Variants in DPH6 observed in about 807,000 individuals in gnomAD.
The protein encoded by DPH6 is diphthine--ammonia ligase.
DPH6 carries 33 observed loss-of-function variants against 38.2 expected under a neutral mutation model. The observed-to-expected ratio is 0.86, with a 90% CI of 0.65 to 1.15. The LOEUF (loss-of-function observed/expected upper bound fraction) is 1.15, where lower values mean the gene tolerates loss of function less well. Ranked by LOEUF, DPH6 falls within the 50% of genes most tolerant of loss-of-function variation. The pLI is 0.00. For synonymous variants in DPH6, 108 were observed against 103.0 expected, an observed-to-expected ratio of 1.05 and a Z score of -0.30; for missense variants, 325 against 320.0, an observed-to-expected ratio of 1.02 and a Z score of -0.12.
intron 3 of DPH6, among the ~76,000 whole-genome samples, chr15:35,485,368 G>A (rs2054383435): frequency 6.6e-6 from 1 of 152,156 alleles, no homozygotes; most frequent in Non-Finnish European, 1.5e-5. Context: ...TTGTATGTGA[G>A]GATATGTTAT....
intron 3 of DPH6, among the ~76,000 whole-genome samples, chr15:35,257,217 T>C (rs2051714486): frequency 6.6e-6 from 1 of 152,200 alleles, no homozygotes; most frequent in African/African-American, 2.4e-5. Flanking sequence ...TACTAGTTTT[T>C]TGTGTTTATG....
the DPH6 span, among the ~76,000 whole-genome samples, chr15:35,201,764 A>T: frequency 6.6e-6 from 1 of 151,732 alleles, no homozygotes; most frequent in Non-Finnish European, 1.5e-5. Flanking sequence ...ATAGTGATGA[A>T]TTTTAAAATT....
chr15:35,220,265 A>T (rs1269993919), exon 4 of DPH6: 1 of 152,154 alleles, frequency 6.6e-6, no homozygotes, highest in Non-Finnish European at 1.5e-5. Context: ...GGGAAATACC[A>T]AGAGGTCCCA....
At chr15:35,149,431 G>T in the DPH6 span, among the ~76,000 whole-genome samples, 1 of 152,142 alleles carries the variant, frequency 6.6e-6, no homozygotes, top group Non-Finnish European at 1.5e-5. Context: ...TAGAGACGGG[G>T]TTTCACCATG....
chr15:35,353,317 C>T (rs895417172), intron 3 of DPH6, among the ~76,000 whole-genome samples: 5 of 152,156 alleles, frequency 3.3e-5, no homozygotes, highest in Admixed American at 3.3e-4. Flanking sequence ...GCTTTTGTTG[C>T]CATTGCTTTT....
At chr15:35,283,757 TACACACAC>T (rs3028682) in intron 3 of DPH6, among the ~76,000 whole-genome samples, 16 of 140,578 alleles carry the variant, frequency 1.1e-4, no homozygotes, top group South Asian at 2.3e-4. Flanking sequence ...GCACAGATAG[TACACACAC>T]ACACACACAC....
chr15:35,425,036 C>G (rs1005561666), intron 5 of DPH6, among the ~76,000 whole-genome samples: 4 of 151,584 alleles, frequency 2.6e-5, no homozygotes, highest in Admixed American at 1.3e-4. Flanking sequence ...GACCTACGTA[C>G]ATTTCTGCAA....
chr15:35,275,300 C>T (rs1008854884), intron 3 of DPH6, among the ~76,000 whole-genome samples: 1 of 152,100 alleles, frequency 6.6e-6, no homozygotes, highest in African/African-American at 2.4e-5. Context: ...TGGAACCAAC[C>T]CAAATGCCCA....
At chr15:35,399,948 C>A (rs559792640) in intron 6 of DPH6, among the ~76,000 whole-genome samples, 1 of 152,290 alleles carries the variant, frequency 6.6e-6, no homozygotes, top group South Asian at 2.1e-4. Flanking sequence ...GCAACAAGGA[C>A]TCCCAACACA....
chr15:35,382,704 T>C (rs1944326210), intron 6 of DPH6, among the ~76,000 whole-genome samples: 1 of 152,142 alleles, frequency 6.6e-6, no homozygotes, highest in East Asian at 1.9e-4. Flanking sequence ...CATACATGTT[T>C]ATTATGCTTG....
At chr15:35,176,895 T>C in the DPH6 span, among the ~76,000 whole-genome samples, 15 of 152,326 alleles carry the variant, frequency 9.8e-5, 1 homozygote, top group Admixed American at 9.8e-4. Context: ...ACATGTGAAA[T>C]ATCAAAAAGA....
chr15:35,493,744 G>A (rs2054513471), intron 3 of DPH6, among the ~76,000 whole-genome samples: 1 of 152,220 alleles, frequency 6.6e-6, no homozygotes, highest in East Asian at 1.9e-4. Context: ...GTAGGAAGAG[G>A]GTTGTTGGGA....
At chr15:35,492,184 T>C (rs547956450) in intron 3 of DPH6, among the ~76,000 whole-genome samples, 1 of 152,210 alleles carries the variant, frequency 6.6e-6, no homozygotes, top group East Asian at 1.9e-4. Context: ...AGAGGAGGAA[T>C]TCTGCTTTCA....
intron 3 of DPH6, chr15:35,521,065 A>C (rs1287319635): frequency 1.0e-6 from 1 of 985,124 alleles, no homozygotes; most frequent in Non-Finnish European, 1.2e-6. Flanking sequence ...TTTATTACAA[A>C]AGCTCCAGTT....
intron 3 of DPH6, among the ~76,000 whole-genome samples, chr15:35,487,654 AG>A (rs1391890141): frequency 1.5e-4 from 23 of 152,314 alleles, no homozygotes; most frequent in Non-Finnish European, 2.2e-4. Flanking sequence ...CTGTGATGGG[AG>A]GGGCTGCTGT....
chr15:35,283,071 CT>C (rs1368186870), intron 3 of DPH6: 1 of 159,934 alleles, frequency 6.3e-6, no homozygotes, highest in East Asian at 1.8e-4. Context: ...CTTCTTCTTC[CT>C]CTTCTTCTTC....
chr15:35,240,882 T>C (rs970173828), intron 3 of DPH6, among the ~76,000 whole-genome samples: 2 of 143,196 alleles, frequency 1.4e-5, no homozygotes, highest in African/African-American at 5.1e-5. Context: ...AGGATTTAAT[T>C]AACCTCGCCT....
At chr15:35,492,388 A>T (rs746879899) in intron 3 of DPH6, among the ~76,000 whole-genome samples, 1 of 152,202 alleles carries the variant, frequency 6.6e-6, no homozygotes, top group African/African-American at 2.4e-5. Flanking sequence ...TTTACCTGTT[A>T]TGTGATTCAT....
chr15:35,284,935 T>TC (rs2051930476), intron 3 of DPH6, among the ~76,000 whole-genome samples: 1 of 150,500 alleles, frequency 6.6e-6, no homozygotes, highest in African/African-American at 2.4e-5. Flanking sequence ...GCCTCAGCCT[T>TC]CCAAGTAGCT....
Sources: allele counts gnomAD v4.1 joint callset (sites outside exome capture counted in the v4.1 genomes callset), GRCh38; gene constraint gnomAD v4.1.1; transcripts MANE v1.5; gene names NCBI Gene and HGNC (gene_info 2026-07-23, HGNC 2026-07-21).